SLC35E1: variants seen among roughly 807,000 people sequenced by gnomAD.
The protein encoded by SLC35E1 is solute carrier family 35 member E1.
Under a neutral mutation model 31.0 loss-of-function variants are expected in SLC35E1, and 12 were observed. That is an observed-to-expected ratio of 0.39 (90% CI 0.25 to 0.63). The LOEUF is 0.63. Among genes scored for constraint, SLC35E1 ranks in the 20% least tolerant of loss-of-function variants. The probability of loss-of-function intolerance (pLI) is 0.52; values close to 1 mark genes in which losing one functional copy is unlikely to be tolerated. For missense variants in SLC35E1, 429 were observed against 572.2 expected (o/e 0.75, Z 2.55); for synonymous variants, 257 against 264.1 (o/e 0.97, Z 0.26).
At chr19:16,564,986 G>C (rs926424187) in intron 4 of SLC35E1, 5 of 376,392 alleles carry the variant, frequency 1.3e-5, no homozygotes, top group Non-Finnish European at 2.7e-5. Flanking sequence ...TTAAAGATAA[G>C]AAATGTCACA....
At chr19:16,561,238 AAAAAAG>A (rs2085904765) in intron 4 of SLC35E1, among the ~76,000 whole-genome samples, 1 of 145,434 alleles carries the variant, frequency 6.9e-6, no homozygotes, top group Non-Finnish European at 1.5e-5. Flanking sequence ...AAAAAAAAAA[AAAAAAG>A]AAAGAAAAGA....
chr19:16,563,867 G>A (rs752788343), intron 4 of SLC35E1, among the ~76,000 whole-genome samples: 5 of 152,178 alleles, frequency 3.3e-5, no homozygotes, highest in African/African-American at 4.8e-5. Context: ...ATGAGTGAGT[G>A]TACAGTAGAA....
rs953628264 is a variant in SLC35E1 at position 16,572,254 on chromosome 19, C to G, written c.111G>C (p.Trp37Cys). Residue 37 changes from tryptophan (W) to cysteine (C), a missense_variant, in exon 1 of 6, where the codon TGG becomes TGC. By Grantham distance (215) the Trp-to-Cys change is radical (BLOSUM62 -2). Coordinates refer to ENST00000595753, the MANE Select transcript of SLC35E1 (RefSeq NM_024881.5). The surrounding 1 kb of genome is among the most constrained non-coding windows in gnomAD (Gnocchi z 4.1). Reference protein sequence around the residue: ...GARVAALCLLWYALSAGGNVV... With the variant: ...GARVAALCLLCYALSAGGNVV... ...CGTTGCCGCCCGCGCTCAGCGCGTA[C>G]CACAGCAGGCACAGCGCCGCCACCC... The G allele has an allele frequency of 1.3e-6, 2 of 1,516,028 alleles. No homozygotes were observed. Among genetic ancestry groups the G allele is most frequent in the Non-Finnish European group, 1.8e-6 (2 of 1,131,208 alleles). 93.9% of individuals were successfully genotyped at this position (1,516,028 alleles called of 1,614,324 possible).
chr19:16,564,119 TTG>T (rs2085920375), intron 4 of SLC35E1: 1 of 152,224 alleles, frequency 6.6e-6, no homozygotes, highest in Admixed American at 6.5e-5. Flanking sequence ...GGCACCTGGA[TTG>T]TGTCTCTAAA....
intron 4 of SLC35E1, 173 bp downstream of exon 4, chr19:16,566,359 C>T (rs985065143): frequency 2.4e-5 from 20 of 819,080 alleles, no homozygotes; most frequent in South Asian, 3.7e-5. Context: ...CCCACTTCCT[C>T]GATGGCGTGC....
Position 16,553,402 on chromosome 19 carries a change from C to T in SLC35E1, c.*277G>A, listed in dbSNP as rs1310426778. 1 of 278,354 alleles carries T rather than the reference C, an allele frequency of 3.6e-6. No homozygotes were observed. The highest frequency in any genetic ancestry group is 6.0e-5 in the East Asian group (1 of 16,592). The allele number at this position is 278,354 out of a possible 1,614,324, so 17.2% of individuals were successfully genotyped here. A position where few individuals can be genotyped will look rare whatever the true frequency, so the allele number is the denominator to read the frequency against. On this transcript the variant is annotated 3_prime_UTR_variant, in exon 6 of 6. Coordinates refer to ENST00000595753, the MANE Select transcript of SLC35E1 (RefSeq NM_024881.5). ...TGGAAAGGTACAACGTGGCCAAGAT[C>T]TCCGCAGGGACACGGCCCTCAGATG... is the stretch of plus-strand genomic sequence containing the variant.
rs747679396 is a variant in SLC35E1 at position 16,571,581 on chromosome 19, G to A, written c.423C>T (p.Val141=). ...CCACCCAGATGGGCATGGTGGCCTTGACTGCAAAGAGAGGGATGGGCACTC... is the reference window on the plus strand; with the variant it reads ...CCACCCAGATGGGCATGGTGGCCTTAACTGCAAAGAGAGGGATGGGCACTC... ...WKVPVSYAHT[V]KATMPIWVVL... Residue 141 remains valine (V), a splice_region_variant and synonymous_variant, in exon 2 of 6, where the codon GTC becomes GTT. Coordinates refer to ENST00000595753, the MANE Select transcript of SLC35E1 (RefSeq NM_024881.5). 6.2e-7 allele frequency: 1 copy of A among 1,613,778 alleles called. No individual in the cohort carries two copies. Among genetic ancestry groups the A allele is most frequent in the East Asian group, 2.2e-5 (1 of 44,882 alleles).
intron 4 of SLC35E1, among the ~76,000 whole-genome samples, chr19:16,559,790 G>C (rs2085895513): frequency 6.6e-6 from 1 of 152,148 alleles, no homozygotes; most frequent in Non-Finnish European, 1.5e-5. Context: ...CCCAACATCT[G>C]TATCATTGCA....
At position 16,572,071 on chromosome 19, in the gene SLC35E1, C is replaced by G. The variant is rs1371904093; in HGVS notation, c.294G>C (p.Ser98=). ...AGCGCGGCGGCAGCAGCGGGCCGGA[C>G]GACGGATGCGGACTGGGTCCGGGGC... The part of the protein sequence containing the change: ...VSGPGPSPHP[S]SGPLLPPRFY... Residue 98 remains serine (S), a synonymous_variant, in exon 1 of 6, where the codon TCG becomes TCC. Coordinates refer to ENST00000595753, the MANE Select transcript of SLC35E1 (RefSeq NM_024881.5). The surrounding 1 kb of genome is among the most constrained non-coding windows in gnomAD (Gnocchi z 4.1). 9.1e-6 allele frequency: 14 copies of G among 1,538,668 alleles called. No homozygotes were observed. The highest frequency in any genetic ancestry group is 1.2e-5 in the Non-Finnish European group (14 of 1,142,382).
At chr19:16,569,055 T>G (rs1318102601) in intron 2 of SLC35E1, among the ~76,000 whole-genome samples, 4 of 151,338 alleles carry the variant, frequency 2.6e-5, no homozygotes, top group Admixed American at 2.6e-4. Context: ...AGACGGAGTC[T>G]CGCTCTGTCA....
intron 2 of SLC35E1, among the ~76,000 whole-genome samples, chr19:16,570,457 C>T (rs988823963): frequency 1.3e-5 from 2 of 152,206 alleles, no homozygotes; most frequent in Non-Finnish European, 2.9e-5. Flanking sequence ...AAAAGAGGCA[C>T]GGTGTCCAGC....
intron 4 of SLC35E1, among the ~76,000 whole-genome samples, chr19:16,560,919 C>T (rs1198945583): frequency 1.5e-5 from 2 of 136,694 alleles, no homozygotes; most frequent in African/African-American, 2.8e-5. Flanking sequence ...GCCTAACAGG[C>T]ATCCAGGTGT....
rs1383269749 is a variant in SLC35E1 at position 16,552,300 on chromosome 19, C to T, written c.*1379G>A. 1 of 151,792 alleles carries T rather than the reference C, an allele frequency of 6.6e-6. No individual in the cohort carries two copies. Among genetic ancestry groups the T allele is most frequent in the Non-Finnish European group, 1.5e-5 (1 of 67,960 alleles). The allele number at this position is 151,792 out of a possible 1,614,324, so 9.4% of individuals were successfully genotyped here. A position where few individuals can be genotyped will look rare whatever the true frequency, so the allele number is the denominator to read the frequency against. ...AAACACTTCATTTCCTACTAAATACCAAAACGTGTCAGACAGGCATCACCA... is the reference window on the plus strand; with the variant it reads ...AAACACTTCATTTCCTACTAAATACTAAAACGTGTCAGACAGGCATCACCA... On this transcript the variant is annotated 3_prime_UTR_variant, in exon 6 of 6. Coordinates refer to ENST00000595753, the MANE Select transcript of SLC35E1 (RefSeq NM_024881.5).
At chr19:16,556,639 G>C (rs1184668286) in intron 4 of SLC35E1, among the ~76,000 whole-genome samples, 1 of 152,218 alleles carries the variant, frequency 6.6e-6, no homozygotes, top group Non-Finnish European at 1.5e-5. Flanking sequence ...AGCCTAGGCT[G>C]GTCCCAGGAC....
intron 4 of SLC35E1, among the ~76,000 whole-genome samples, chr19:16,556,483 T>C (rs1279754979): frequency 6.6e-6 from 1 of 152,164 alleles, no homozygotes; most frequent in Non-Finnish European, 1.5e-5. Context: ...CACCCCAGCC[T>C]GGGCGACAGT....
rs535167623 is a variant in SLC35E1 at position 16,567,411 on chromosome 19, G to A, written c.630+621C>T. Among the ~76,000 whole-genome samples the A allele has an allele frequency of 1.3e-3, 205 of 152,322 alleles. 2 individuals carry two copies. Among genetic ancestry groups the A allele is most frequent in the Middle Eastern group, 3.4e-3 (1 of 294 alleles). On this transcript the variant is annotated intron_variant, in intron 3 of 5. Coordinates refer to ENST00000595753, the MANE Select transcript of SLC35E1 (RefSeq NM_024881.5). ...AATCCCAGTGCTTTATGAGGCTGAG[G>A]TGTGAGGATCACTTGAGCTTCGAAG...
rs1458007330 is a variant in SLC35E1 at position 16,572,079 on chromosome 19, G to C, written c.286C>G (p.His96Asp). The change falls in exon 1 of 6, where the codon CAT becomes GAT. Residue 96 changes from histidine (H) to aspartate (D), a missense_variant. Transcript: ENST00000595753. The surrounding 1 kb of genome is among the most constrained non-coding windows in gnomAD (Gnocchi z 4.1). ...GGCAGCAGCGGGCCGGACGACGGAT[G>C]CGGACTGGGTCCGGGGCCCGAGACG... is the stretch of plus-strand genomic sequence containing the variant. ...PPVSGPGPSP[H>D]PSSGPLLPPR... 1 of 1,538,166 alleles carries C rather than the reference G, an allele frequency of 6.5e-7. No individual in the cohort carries two copies. The highest frequency in any genetic ancestry group is 1.4e-5 in the African/African-American group (1 of 70,790).
intron 2 of SLC35E1, 128 bp from the exon 3 acceptor site, chr19:16,568,297 T>C (rs1171192945): frequency 1.6e-6 from 2 of 1,262,838 alleles, no homozygotes; most frequent in Non-Finnish European, 1.1e-6. Context: ...TTGAAAGTGG[T>C]GTTTGCTGTG....
In SLC35E1 at chr19:16,568,074, G is replaced by A. The variant is rs148792893; in HGVS notation, c.588C>T (p.Ala196=). The A allele has an allele frequency of 1.1e-4, 180 of 1,613,656 alleles. No homozygotes were observed. Among genetic ancestry groups the A allele is most frequent in the Admixed American group, 1.8e-4 (11 of 59,970 alleles). ...FDMWGLVSAL[A]ATLCFSLQNI... is the part of the protein sequence containing the mutation. ...TCTGAAGCGAGAAGCACAGCGTGGC[G>A]GCGAGGGCGCTGACGAGTCCCCACA... The change falls in exon 3 of 6, where the codon GCC becomes GCT. Residue 196 remains alanine, a synonymous_variant. Transcript: ENST00000595753.
Sources: allele counts gnomAD v4.1 joint callset (sites outside exome capture counted in the v4.1 genomes callset), GRCh38; gene constraint gnomAD v4.1.1; non-coding constraint Gnocchi (gnomAD v3.1); transcripts MANE v1.5; gene names NCBI Gene and HGNC (gene_info 2026-07-23, HGNC 2026-07-21).